OVOL2: variants seen among roughly 807,000 people sequenced by gnomAD.
The protein encoded by OVOL2 is ovo like zinc finger 2.
OVOL2 carries 13 observed loss-of-function variants against 18.1 expected under a neutral mutation model. The ratio of observed to expected loss-of-function variants is 0.72; its 90% CI spans 0.47 to 1.14. The LOEUF is 1.14. Ranked by LOEUF, OVOL2 falls within the 50% of genes most tolerant of loss-of-function variation. The pLI, the probability that OVOL2 is intolerant of heterozygous loss-of-function variation, is 0.00. For synonymous variants in OVOL2, 166 were observed against 162.7 expected, an observed-to-expected ratio of 1.02 and a Z score of -0.16; for missense variants, 335 against 383.0, an observed-to-expected ratio of 0.87 and a Z score of 1.05.
chr20:18,039,224 T>C (rs968552363), intron 3 of OVOL2, among the ~76,000 whole-genome samples: 2 of 152,252 alleles, frequency 1.3e-5, no homozygotes, highest in Non-Finnish European at 2.9e-5. Flanking sequence ...GCTAGTCGCA[T>C]GAGTGTGTTC....
chr20:18,031,057 C>T (rs1307340855), intron 3 of OVOL2, among the ~76,000 whole-genome samples: 2 of 152,164 alleles, frequency 1.3e-5, no homozygotes, highest in Non-Finnish European at 2.9e-5. Flanking sequence ...GGTGCTCTCA[C>T]GCAAAGGCCA....
chr20:18,055,591 C>G (rs184103358), intron 2 of OVOL2, among the ~76,000 whole-genome samples: 1 of 152,286 alleles, frequency 6.6e-6, no homozygotes, highest in African/African-American at 2.4e-5. Context: ...CTCAGCCCAC[C>G]CCGGAGTCAA....
intron 3 of OVOL2, among the ~76,000 whole-genome samples, chr20:18,029,477 T>C (rs747768747): frequency 1.3e-5 from 2 of 152,210 alleles, no homozygotes; most frequent in African/African-American, 2.4e-5. Flanking sequence ...CATTGGCATA[T>C]GCACGGATGT....
At chr20:18,042,556 C>T (rs2036682032) in intron 2 of OVOL2, among the ~76,000 whole-genome samples, 1 of 151,924 alleles carries the variant, frequency 6.6e-6, no homozygotes. Context: ...GTGGGTGGAT[C>T]ACCTGAGGTC....
At chr20:18,043,418 C>A (rs966585639) in intron 2 of OVOL2, among the ~76,000 whole-genome samples, 1 of 152,166 alleles carries the variant, frequency 6.6e-6, no homozygotes, top group African/African-American at 2.4e-5. Flanking sequence ...CCAGCTGCCA[C>A]ATAAGAAGTC....
intron 2 of OVOL2, among the ~76,000 whole-genome samples, chr20:18,049,918 C>T (rs150387793): frequency 2.4e-4 from 37 of 152,286 alleles, no homozygotes; most frequent in African/African-American, 5.5e-4. Context: ...ATATTGACTA[C>T]GGCTGACATA....
chr20:18,046,903 A>C (rs1347744617), intron 2 of OVOL2, among the ~76,000 whole-genome samples: 1 of 152,194 alleles, frequency 6.6e-6, no homozygotes, highest in Admixed American at 6.5e-5. Flanking sequence ...TGTTAGTTAC[A>C]AAACAATAGT....
chr20:18,039,787 A>C (rs2036652990), intron 3 of OVOL2, among the ~76,000 whole-genome samples: 1 of 152,228 alleles, frequency 6.6e-6, no homozygotes, highest in South Asian at 2.1e-4. Context: ...GAACTAGAAA[A>C]TAGGATGCAG....
intron 3 of OVOL2, among the ~76,000 whole-genome samples, chr20:18,031,951 C>G (rs930752824): frequency 6.6e-5 from 10 of 152,190 alleles, no homozygotes; most frequent in African/African-American, 2.4e-4. Context: ...CTCAACTGCT[C>G]CTTTACTGAA....
chr20:18,054,783 G>GAAAAGAAAAGAAAAGAAAAGA (rs796465834), intron 2 of OVOL2, among the ~76,000 whole-genome samples: 2 of 111,196 alleles, frequency 1.8e-5, no homozygotes, highest in East Asian at 2.3e-4. Context: ...AAAAAAAAAA[G>GAAAAGAAAAGAAAAGAAAAGA]AAAGAAAAGA....
Position 18,042,352 on chromosome 20 carries a change from G to T in OVOL2, c.322-629C>A, listed in dbSNP as rs116887721. Among the ~76,000 whole-genome samples the T allele has an allele frequency of 1.6e-3, 240 of 152,308 alleles. 1 individual carries two copies. Among genetic ancestry groups the T allele is most frequent in the Non-Finnish European group, 3.0e-3 (201 of 68,024 alleles). ...CCCTCCAAATGTCTTGTTGAAATGTGATCCCCAGTGTTGGAGGTGGGGCCT... is the reference window on the plus strand; with the variant it reads ...CCCTCCAAATGTCTTGTTGAAATGTTATCCCCAGTGTTGGAGGTGGGGCCT... On this transcript the variant is annotated intron_variant, in intron 2 of 3. Transcript: ENST00000278780.
Position 18,056,571 on chromosome 20 carries a change from G to A in OVOL2, c.321+86C>T, listed in dbSNP as rs571628415. The A allele has an allele frequency of 5.8e-4, 724 of 1,243,788 alleles. 2 individuals are homozygous for A. In the African/African-American group the frequency reaches 9.6e-3, roughly 16 times the overall value. The allele number at this position is 1,243,788 out of a possible 1,614,324, so 77.0% of individuals were successfully genotyped here. On this transcript the variant is annotated intron_variant, in intron 2 of 3. Transcript: ENST00000278780. This position sits in a 1 kb window ranked among gnomAD's most constrained non-coding sequence, Gnocchi z 4.2. Reference sequence around the variant, plus strand: ...GGCGCGGGTGCCGGGTTGCGCAGGCGGGCGCGGCAGGGAGGGGCGCCGGCC... The same window carrying A: ...GGCGCGGGTGCCGGGTTGCGCAGGCAGGCGCGGCAGGGAGGGGCGCCGGCC...
chr20:18,046,949 A>C lies in OVOL2; in HGVS notation c.322-5226T>G, dbSNP rs564742090. ...GACAATAAATCTGAAGGATCAAAAA[A>C]AAAAAAAACCTAGATCTGGCTAGGG... On this transcript the variant is annotated intron_variant, in intron 2 of 3. Transcript: ENST00000278780. Among the ~76,000 whole-genome samples, 260 of 152,316 alleles carry C rather than the reference A, an allele frequency of 1.7e-3. 1 individual carries two copies. The highest frequency in any genetic ancestry group is 5.9e-3 in the African/African-American group (247 of 41,572).
At chr20:18,052,425 C>A (rs1389774050) in intron 2 of OVOL2, among the ~76,000 whole-genome samples, 1 of 152,138 alleles carries the variant, frequency 6.6e-6, no homozygotes, top group Non-Finnish European at 1.5e-5. Flanking sequence ...CCACTAAACG[C>A]ACATTCTGAA....
In OVOL2 at chr20:18,041,618, G is replaced by C. The variant is rs572447376; in HGVS notation, c.427C>G (p.Gln143Glu). Residue 143 changes from glutamine to glutamate, a missense_variant, in exon 3 of 4, where the codon CAG (glutamine) becomes GAG (glutamate). Coordinates refer to ENST00000278780, the MANE Select transcript of OVOL2 (RefSeq NM_021220.4). ...AAGGTGCACAGGTGTCTTTTCACCT[G>C]GTTGTGGCACTTGAGGTGACGGTTC... ...MLNRHLKCHNQVKRHLCTFCG... is the reference protein window; with the variant it reads ...MLNRHLKCHNEVKRHLCTFCG... 56 of 1,614,172 alleles carry C rather than the reference G, an allele frequency of 3.5e-5. No homozygotes were observed. The South Asian group carries it at 5.7e-4, about 16-fold the overall frequency.
intron 3 of OVOL2, among the ~76,000 whole-genome samples, chr20:18,030,970 G>A (rs770382084): frequency 2.0e-5 from 3 of 152,158 alleles, no homozygotes; most frequent in Non-Finnish European, 4.4e-5. Flanking sequence ...TCAGGGGGAC[G>A]TGGGTGGCCA....
At position 18,041,511 on chromosome 20, in the gene OVOL2, C is replaced by A. The variant is rs569654956; in HGVS notation, c.511+23G>T. On this transcript the variant is annotated intron_variant, in intron 3 of 3. Transcript: ENST00000278780. ...TTGGCCAGAATAACAAAACAGAGAA[C>A]AAAGCACGCACTCCCCGCTCACCTG... The A allele has an allele frequency of 2.4e-4, 380 of 1,594,400 alleles. 3 individuals are homozygous for A. In the South Asian group the frequency reaches 4.1e-3, roughly 17 times the overall value.
At chr20:18,053,933 G>A (rs7265997) in intron 2 of OVOL2, among the ~76,000 whole-genome samples, 1 of 152,126 alleles carries the variant, frequency 6.6e-6, no homozygotes, top group Non-Finnish European at 1.5e-5. Flanking sequence ...CTCCAGCTGC[G>A]GGACTCAGCC....
rs777548309 is a variant in OVOL2, at chr20:18,056,710, G to T, written c.268C>A (p.Pro90Thr). The T allele has an allele frequency of 2.1e-6, 3 of 1,461,010 alleles. No individual in the cohort carries two copies. The highest frequency in any genetic ancestry group is 2.7e-6 in the Non-Finnish European group (3 of 1,112,284). 90.5% of individuals were successfully genotyped at this position (1,461,010 alleles called of 1,614,324 possible). Residue 90 changes from proline (P) to threonine (T), a missense_variant, in exon 2 of 4, where the codon CCC becomes ACC. Pro to Thr is a conservative substitution (Grantham distance 38). Coordinates refer to ENST00000278780, the MANE Select transcript of OVOL2 (RefSeq NM_021220.4). This position sits in a 1 kb window ranked among gnomAD's most constrained non-coding sequence, Gnocchi z 4.2. ...ETPEPGDAEG[P>T]DGHLATKQRP... ...TGCTTGGTCGCCAGGTGTCCATCGG[G>T]GCCCTCGGCGTCGCCGGGCTCGGGG...
Sources: gnomAD v4.1 joint callset for allele counts (sites outside exome capture counted in the v4.1 genomes callset) on GRCh38, gnomAD v4.1.1 for gene constraint, Gnocchi (gnomAD v3.1) non-coding constraint, MANE v1.5 for transcripts, NCBI Gene and HGNC (gene_info 2026-07-23, HGNC 2026-07-21) for gene names.